The following NAALAD2 variants were observed in gnomAD, a reference collection of about 807,000 sequenced individuals.
NAALAD2 encodes N-acetylated-alpha-linked acidic dipeptidase 2.
A neutral mutation model predicts 95.6 loss-of-function variants in NAALAD2; 89 were observed. The ratio of observed to expected loss-of-function variants is 0.93; its 90% CI spans 0.78 to 1.11. The LOEUF (loss-of-function observed/expected upper bound fraction) is 1.11. Ranked by LOEUF, NAALAD2 falls within the 50% of genes least tolerant of loss-of-function variation. The probability of loss-of-function intolerance (pLI) is 0.00; values close to 1 mark genes in which losing one functional copy is unlikely to be tolerated. For missense variants in NAALAD2, 894 were observed against 872.4 expected (o/e 1.02, Z -0.31); for synonymous variants, 264 against 294.4 (o/e 0.90, Z 1.06).
intron 3 of NAALAD2, among the ~76,000 whole-genome samples, chr11:90,148,380 G>A (rs185287111): frequency 2.0e-5 from 3 of 152,260 alleles, no homozygotes; most frequent in African/African-American, 7.2e-5. Flanking sequence ...AGTTCAGGAT[G>A]ACTCCGAGAC....
At chr11:90,183,947 T>C (rs1376723946) in intron 18 of NAALAD2, among the ~76,000 whole-genome samples, 1 of 152,198 alleles carries the variant, frequency 6.6e-6, no homozygotes, top group Non-Finnish European at 1.5e-5. Flanking sequence ...CATCATGTTC[T>C]CTTTCAGTAT....
chr11:90,135,632 A>G lies in NAALAD2; in HGVS notation c.156A>G (p.Val52=). 6.2e-7 allele frequency: 1 copy of G among 1,613,580 alleles called. No individual in the cohort carries two copies. Among genetic ancestry groups the G allele is most frequent in the Non-Finnish European group, 8.5e-7 (1 of 1,179,746 alleles). ...RYHQSIRWKL[V]SEMKAENIKS... is the part of the protein sequence containing the mutation. ...ATCAAAGTATACGGTGGAAACTGGT[A>G]TCCGAAATGAAAGCTGAAAACATCA... The change falls in exon 2 of 19, where the codon GTA becomes GTG. Residue 52 remains valine, a synonymous_variant. Transcript: ENST00000534061.
intron 16 of NAALAD2, among the ~76,000 whole-genome samples, chr11:90,178,781 G>T (rs1325837013): frequency 1.3e-5 from 2 of 151,878 alleles, no homozygotes; most frequent in African/African-American, 4.8e-5. Flanking sequence ...TTTAATTATT[G>T]TCAACAAAAT....
rs12293601 is a variant in NAALAD2 at position 90,147,663 on chromosome 11, C to T, written c.381+147C>T. The T allele has an allele frequency of 2.5e-3, 1,818 of 724,218 alleles. 23 individuals carry two copies. The African/African-American group carries it at 0.03, about 12-fold the overall frequency. 44.9% of individuals were successfully genotyped at this position (724,218 alleles called of 1,614,324 possible). A position where few individuals can be genotyped will look rare whatever the true frequency, so the allele number is the denominator to read the frequency against. On this transcript the variant is annotated intron_variant, in intron 3 of 18. Transcript: ENST00000534061. ...TTCGACATGGTGTTAAGTCCTGAGGCCAGAATAAGACTAAGGCATGGTTCC... is the reference window on the plus strand; with the variant it reads ...TTCGACATGGTGTTAAGTCCTGAGGTCAGAATAAGACTAAGGCATGGTTCC...
At chr11:90,147,945 C>T (rs925536160) in intron 3 of NAALAD2, among the ~76,000 whole-genome samples, 2 of 152,170 alleles carry the variant, frequency 1.3e-5, no homozygotes, top group African/African-American at 4.8e-5. Context: ...GAGGCATATA[C>T]TAGCCTAGTT....
At chr11:90,133,932 AG>A (rs1951395426), upstream of NAALAD2, among the ~76,000 whole-genome samples, 1 of 152,094 alleles carries the variant, frequency 6.6e-6, no homozygotes, top group Admixed American at 6.6e-5. Context: ...GGAGAGACAA[AG>A]GATTGAGAGA....
In NAALAD2 at chr11:90,191,939, G is replaced by A; in HGVS notation, c.*192G>A. On this transcript the variant is annotated 3_prime_UTR_variant, in exon 19 of 19. Coordinates refer to ENST00000534061, the MANE Select transcript of NAALAD2 (RefSeq NM_005467.4). ...AAGTTAATAATTATATTAGCAAAGT[G>A]TTAATCTAATGAAGTAAAAAACTCC... is the stretch of plus-strand genomic sequence containing the variant. 2.8e-6 allele frequency: 1 copy of A among 351,026 alleles called. No homozygotes were observed. Among genetic ancestry groups the A allele is most frequent in the Non-Finnish European group, 5.0e-6 (1 of 199,876 alleles). The allele number at this position is 351,026 out of a possible 1,614,324, so 21.7% of individuals were successfully genotyped here.
intron 2 of NAALAD2, among the ~76,000 whole-genome samples, chr11:90,142,346 T>A (rs756368175): frequency 3.3e-5 from 5 of 152,182 alleles, no homozygotes; most frequent in African/African-American, 4.8e-5. Context: ...TCATTAGGCA[T>A]ATACACATGG....
chr11:90,178,155 G>C (rs1349142308), intron 16 of NAALAD2, 38 bp downstream of exon 16: 1 of 1,564,508 alleles, frequency 6.4e-7, no homozygotes, highest in Admixed American at 1.9e-5. Context: ...CAGTCTTTAA[G>C]TTAGAGCTTT....
chr11:90,158,689 T>C (rs1952197268), intron 7 of NAALAD2: 1 of 174,546 alleles, frequency 5.7e-6, no homozygotes, highest in South Asian at 1.5e-4. Context: ...TTGATAGGGT[T>C]ATTATAAGAT....
In NAALAD2 at chr11:90,135,557, A is replaced by G. The variant is rs772240811; in HGVS notation, c.83-2A>G. On this transcript the variant is annotated splice_acceptor_variant, in intron 1 of 18. Coordinates refer to ENST00000534061, the MANE Select transcript of NAALAD2 (RefSeq NM_005467.4). LOFTEE classifies it high-confidence loss of function. ...GCATGTTTGTGTATTTTTTTTCCTT[A>G]GGCTGGTTTATTAAGCCTCTCAAAG... The G allele has an allele frequency of 3.7e-6, 6 of 1,602,354 alleles. No homozygotes were observed. In the Admixed American group the frequency reaches 5.1e-5, roughly 14 times the overall value.
At chr11:90,170,980 G>A (rs1487215816) in intron 13 of NAALAD2, among the ~76,000 whole-genome samples, 1 of 152,112 alleles carries the variant, frequency 6.6e-6, no homozygotes, top group East Asian at 1.9e-4. Context: ...TAACAAGGTT[G>A]TTCATTGTTT....
At chr11:90,146,343 ATTTTTTTTTTTTTTTTTTTTTTT>A (rs71477596) in intron 2 of NAALAD2, among the ~76,000 whole-genome samples, 1 of 47,944 alleles carries the variant, frequency 2.1e-5, no homozygotes, top group Non-Finnish European at 3.7e-5. Flanking sequence ...GGGGAGTTTA[ATTTTTTTTTTTTTTTTTTTTTTT>A]TTTTTTTTTT....
At chr11:90,139,265 T>C (rs1179129646) in intron 2 of NAALAD2, among the ~76,000 whole-genome samples, 1 of 151,826 alleles carries the variant, frequency 6.6e-6, no homozygotes, top group Non-Finnish European at 1.5e-5. Context: ...AGCTGGTGTT[T>C]ATCTTTTCCA....
At position 90,145,928 on chromosome 11, in the gene NAALAD2, A is replaced by T. The variant is rs572215025; in HGVS notation, c.195-1402A>T. Among the ~76,000 whole-genome samples the T allele has an allele frequency of 2.8e-3, 419 of 152,308 alleles. 4 individuals are homozygous for T. Among genetic ancestry groups the T allele is most frequent in the African/African-American group, 9.6e-3 (401 of 41,574 alleles). ...CTAACCTAAAAGTGCTTTAGATGCC[A>T]TGTTGGAGTGTGGACTTTCTAATGC... On this transcript the variant is annotated intron_variant, in intron 2 of 18. Transcript: ENST00000534061.
chr11:90,173,955 T>C (rs1295734555), intron 14 of NAALAD2, 40 bp downstream of exon 14: 1 of 1,281,144 alleles, frequency 7.8e-7, no homozygotes, highest in Non-Finnish European at 1.1e-6. Flanking sequence ...GTAGGATAAG[T>C]TATGAATTCC....
chr11:90,185,348 A>G, intron 18 of NAALAD2, among the ~76,000 whole-genome samples: 1 of 152,072 alleles, frequency 6.6e-6, no homozygotes, highest in East Asian at 1.9e-4. Context: ...GTATGGGACC[A>G]TACGTTACAA....
chr11:90,149,064 T>C lies in NAALAD2; in HGVS notation c.440T>C (p.Ile147Thr). 2 of 1,607,466 alleles carry C rather than the reference T, an allele frequency of 1.2e-6. No individual in the cohort carries two copies. The highest frequency in any genetic ancestry group is 1.7e-6 in the Non-Finnish European group (2 of 1,177,118). ...PPDGYENVTN[I>T]VPPYNAFSAQ... ...GATGGCTATGAGAATGTTACAAATA[T>C]TGTGCCACCATATAATGCTTTCTCA... The change falls in exon 4 of 19, where the codon ATT (isoleucine) becomes ACT (threonine). Residue 147 changes from isoleucine (I) to threonine (T), a missense_variant. Ile to Thr is a moderately conservative substitution (Grantham distance 89). Coordinates refer to ENST00000534061, the MANE Select transcript of NAALAD2 (RefSeq NM_005467.4).
rs1296429363 is a variant in NAALAD2 at position 90,166,332 on chromosome 11, A to C, written c.1279-2597A>C. On this transcript the variant is annotated intron_variant, in intron 11 of 18. Coordinates refer to ENST00000534061, the MANE Select transcript of NAALAD2 (RefSeq NM_005467.4). ...TTGTGTATGTGTATGAGAGAGAGAG[A>C]GCGAAAGAGTCTTATTTTTGTCTTA... Among the ~76,000 whole-genome samples, 4 of 152,022 alleles carry C rather than the reference A, an allele frequency of 2.6e-5. No homozygotes were observed. In the South Asian group the frequency reaches 6.2e-4, roughly 24 times the overall value.
Sources: allele counts gnomAD v4.1 joint callset (sites outside exome capture counted in the v4.1 genomes callset), GRCh38; gene constraint gnomAD v4.1.1; transcripts MANE v1.5; gene names NCBI Gene and HGNC (gene_info 2026-07-23, HGNC 2026-07-21).